Variants in DLGAP2 observed in about 807,000 individuals in gnomAD.
The protein encoded by DLGAP2 is disks large-associated protein 2.
Under a neutral mutation model 100.3 loss-of-function variants are expected in DLGAP2, and 26 were observed. The ratio of observed to expected loss-of-function variants is 0.26; its 90% CI spans 0.19 to 0.36. The LOEUF (loss-of-function observed/expected upper bound fraction) is 0.36, where lower values mean the gene tolerates loss of function less well. Ranked by LOEUF, DLGAP2 falls within the 10% of genes least tolerant of loss-of-function variation. The pLI is 1.00. For missense variants in DLGAP2, 1,858 were observed against 1,453.2 expected (o/e 1.28, Z -4.53); for synonymous variants, 886 against 630.1 (o/e 1.41, Z -6.08).
intron 6 of DLGAP2, among the ~76,000 whole-genome samples, chr8:1,600,338 C>T (rs996291430): frequency 6.6e-6 from 1 of 152,082 alleles, no homozygotes; most frequent in Non-Finnish European, 1.5e-5. Flanking sequence ...GTGAATCCGA[C>T]GATTATGTGT....
chr8:1,660,864 A>G (rs1433219083), intron 8 of DLGAP2, among the ~76,000 whole-genome samples: 2 of 152,328 alleles, frequency 1.3e-5, no homozygotes, highest in Admixed American at 6.5e-5. Flanking sequence ...GAGAACCTGA[A>G]GTTCTGATAA....
In DLGAP2 at chr8:1,701,217, A is replaced by G; in HGVS notation, c.2979A>G (p.Pro993=). 1 of 1,572,924 alleles carries G rather than the reference A, an allele frequency of 6.4e-7. No individual in the cohort carries two copies. The highest frequency in any genetic ancestry group is 8.6e-7 in the Non-Finnish European group (1 of 1,159,710). The part of the protein sequence containing the change: ...KEERKVPPPI[P]KKPPKGKFPI... ...AAAGAAAGGTCCCGCCTCCAATACC[A>G]AAGAAGCCTCCCAAGGGGAAGTTTC... Residue 993 remains proline (P), a synonymous_variant, in exon 15 of 15, where the codon CCA becomes CCG. Coordinates refer to ENST00000637795, the MANE Select transcript of DLGAP2 (RefSeq NM_001346810.2).
At chr8:827,423 A>G (rs1228930520) in intron 1 of DLGAP2, among the ~76,000 whole-genome samples, 1 of 152,230 alleles carries the variant, frequency 6.6e-6, no homozygotes, top group Non-Finnish European at 1.5e-5. Context: ...AGGAATAACA[A>G]TCACATGTCT....
chr8:1,183,885 C>G (rs892691237), intron 2 of DLGAP2, among the ~76,000 whole-genome samples: 1 of 152,230 alleles, frequency 6.6e-6, no homozygotes, highest in East Asian at 1.9e-4. Context: ...TTTAAGGTCT[C>G]TGAGCCTTTG....
At chr8:1,181,557 G>A (rs79718816) in intron 2 of DLGAP2, among the ~76,000 whole-genome samples, 6,398 of 151,912 alleles carry the variant, frequency 0.042, 489 homozygotes, top group African/African-American at 0.15. Context: ...GTGGGAGAAG[G>A]GAGAGGATCA....
intron 12 of DLGAP2, among the ~76,000 whole-genome samples, chr8:1,687,814 A>G (rs1406045399): frequency 6.6e-6 from 1 of 152,262 alleles, no homozygotes; most frequent in East Asian, 1.9e-4. Flanking sequence ...AGTTTGAGGA[A>G]GCATAGAGTT....
chr8:1,170,486 G>C (rs1299906180), intron 2 of DLGAP2, among the ~76,000 whole-genome samples: 1 of 151,992 alleles, frequency 6.6e-6, no homozygotes, highest in Non-Finnish European at 1.5e-5. Context: ...ACCTCTGGTA[G>C]AATTCGGCTG....
chr8:779,220 A>G (rs1485970562), intron 1 of DLGAP2, among the ~76,000 whole-genome samples: 3 of 152,196 alleles, frequency 2.0e-5, no homozygotes, highest in Admixed American at 2.0e-4. Flanking sequence ...GCGCGCACCC[A>G]CTGACCTGTG....
intron 3 of DLGAP2, among the ~76,000 whole-genome samples, chr8:1,299,625 C>T (rs1453514222): frequency 6.6e-6 from 1 of 152,176 alleles, no homozygotes; most frequent in Non-Finnish European, 1.5e-5. Flanking sequence ...AAAAGCTTGT[C>T]TTCTGATGTT....
chr8:924,145 G>T (rs1798767934), intron 2 of DLGAP2, among the ~76,000 whole-genome samples: 1 of 152,172 alleles, frequency 6.6e-6, no homozygotes, highest in South Asian at 2.1e-4. Flanking sequence ...TCAGTTTCTA[G>T]TCCATTTTAG....
At chr8:1,240,769 TTG>T (rs1327604028) in intron 2 of DLGAP2, among the ~76,000 whole-genome samples, 1 of 34,626 alleles carries the variant, frequency 2.9e-5, no homozygotes, top group East Asian at 6.9e-4. Flanking sequence ...CCGTGTCTAG[TTG>T]TCTCACATGG....
intron 3 of DLGAP2, 108 bp downstream of exon 3, chr8:1,258,991 A>T: frequency 1.0e-6 from 1 of 955,482 alleles, no homozygotes; most frequent in Non-Finnish European, 1.4e-6. Context: ...TTGAACATTG[A>T]GGACGCAGTC....
Position 927,021 on chromosome 8 carries a change from G to A in DLGAP2, c.73+19055G>A, listed in dbSNP as rs555745096. On this transcript the variant is annotated intron_variant, in intron 2 of 14. Transcript: ENST00000637795. ...AGGACCCCCCGCCGAGAAAGAGAAA[G>A]AGCTCAGAGCCGGGGACTGGAGGCC... is the stretch of plus-strand genomic sequence containing the variant. The A allele has an allele frequency of 1.5e-5, 15 of 985,424 alleles. No individual in the cohort carries two copies. The Admixed American group carries it at 4.3e-4, about 28-fold the overall frequency. 61.0% of individuals were successfully genotyped at this position (985,424 alleles called of 1,614,324 possible).
intron 3 of DLGAP2, among the ~76,000 whole-genome samples, chr8:1,278,672 C>T (rs1190828545): frequency 1.3e-5 from 2 of 152,184 alleles, no homozygotes; most frequent in South Asian, 2.1e-4. Context: ...CTTACCTAAT[C>T]AGTGGTGTGA....
rs76538074 is a variant in DLGAP2, at chr8:1,329,135, T to C, written c.106+70252T>C. Among the ~76,000 whole-genome samples, 971 of 152,326 alleles carry C rather than the reference T, an allele frequency of 6.4e-3. 7 individuals carry two copies. The highest frequency in any genetic ancestry group is 8.9e-3 in the Non-Finnish European group (603 of 68,026). On this transcript the variant is annotated intron_variant, in intron 3 of 14. Coordinates refer to ENST00000637795, the MANE Select transcript of DLGAP2 (RefSeq NM_001346810.2). ...GTCTTCAGAAGGTGACAGATTCAAA[T>C]GTATGCACCAAACTGGGCCCAGATC...
At chr8:1,658,584 T>C (rs1426986815) in intron 8 of DLGAP2, among the ~76,000 whole-genome samples, 1 of 152,208 alleles carries the variant, frequency 6.6e-6, no homozygotes, top group African/African-American at 2.4e-5. Flanking sequence ...GGTGTATGTG[T>C]CCAGGAATTT....
intron 3 of DLGAP2, among the ~76,000 whole-genome samples, chr8:1,437,113 C>G (rs903134340): frequency 1.3e-5 from 2 of 151,026 alleles, no homozygotes; most frequent in Admixed American, 6.6e-5. Flanking sequence ...GGTCTCCGTT[C>G]AGCCCAGGCG....
intron 3 of DLGAP2, among the ~76,000 whole-genome samples, chr8:1,451,799 C>A (rs982160378): frequency 6.6e-6 from 1 of 152,206 alleles, no homozygotes; most frequent in East Asian, 1.9e-4. Flanking sequence ...ATTCTCCCAA[C>A]GTCCGGATAT....
At chr8:1,149,451 A>G (rs1341609589) in intron 2 of DLGAP2, among the ~76,000 whole-genome samples, 1 of 152,130 alleles carries the variant, frequency 6.6e-6, no homozygotes. Context: ...CTGGCCTGAA[A>G]TTACCCTCTT....
Sources: allele counts gnomAD v4.1 joint callset (sites outside exome capture counted in the v4.1 genomes callset), GRCh38; gene constraint gnomAD v4.1.1; transcripts MANE v1.5; gene names NCBI Gene and HGNC (gene_info 2026-07-23, HGNC 2026-07-21).